PTPRN2: variants seen among roughly 807,000 people sequenced by gnomAD.
PTPRN2 encodes the protein protein tyrosine phosphatase receptor type N2.
A neutral mutation model predicts 118.8 loss-of-function variants in PTPRN2; 74 were observed. The ratio of observed to expected loss-of-function variants is 0.62; its 90% confidence interval spans 0.52 to 0.76. The LOEUF is 0.76. Ranked by LOEUF, PTPRN2 falls within the 30% of genes least tolerant of loss-of-function variation. PTPRN2 has a pLI of 0.00. For missense variants in PTPRN2, 1,481 were observed against 1,394.4 expected, an observed-to-expected ratio of 1.06 and a Z score of -0.99; for synonymous variants, 641 against 608.0, an observed-to-expected ratio of 1.05 and a Z score of -0.80.
At chr7:158,334,887 G>A (rs1236840544) in intron 2 of PTPRN2, among the ~76,000 whole-genome samples, 82 of 9,146 alleles carry the variant, frequency 9.0e-3, no homozygotes, top group African/African-American at 0.018. Flanking sequence ...AATAGCTGTC[G>A]TCCGGAGGCG....
intron 11 of PTPRN2, among the ~76,000 whole-genome samples, chr7:157,898,947 C>T (rs1033695429): frequency 4.6e-5 from 7 of 152,186 alleles, no homozygotes; most frequent in Non-Finnish European, 8.8e-5. Context: ...CTCGGGCCGG[C>T]ACAACTGTGC....
chr7:158,238,433 G>A (rs981718740), intron 3 of PTPRN2, among the ~76,000 whole-genome samples: 2 of 152,138 alleles, frequency 1.3e-5, no homozygotes, highest in African/African-American at 4.8e-5. Context: ...GCCACAGCAA[G>A]GCTTCTGGTC....
intron 3 of PTPRN2, among the ~76,000 whole-genome samples, chr7:158,273,481 G>GGGGGAGCCGCAGGCACAA (rs1798667720): frequency 1.4e-5 from 1 of 72,330 alleles, no homozygotes; most frequent in Non-Finnish European, 2.7e-5. Flanking sequence ...CGCAGGCACA[G>GGGGGAGCCGCAGGCACAA]GGGGAGCCGC....
intron 12 of PTPRN2, among the ~76,000 whole-genome samples, chr7:157,818,109 AGT>A (rs2151132768): frequency 6.8e-6 from 1 of 146,748 alleles, no homozygotes; most frequent in East Asian, 2.0e-4. Flanking sequence ...TTGTGTGTAC[AGT>A]GTGGGTGTGT....
At chr7:158,122,160 G>A (rs1817226843) in intron 9 of PTPRN2, among the ~76,000 whole-genome samples, 1 of 152,216 alleles carries the variant, frequency 6.6e-6, no homozygotes, top group Non-Finnish European at 1.5e-5. Context: ...TATGGGGTCA[G>A]GGTCAGAGCT....
At chr7:158,195,317 A>T (rs1172276554) in intron 4 of PTPRN2, among the ~76,000 whole-genome samples, 4 of 152,228 alleles carry the variant, frequency 2.6e-5, no homozygotes, top group Admixed American at 2.6e-4. Flanking sequence ...AGAAACCTGC[A>T]GTGGCCTTCA....
chr7:158,245,756 T>C (rs1193915720), intron 3 of PTPRN2, among the ~76,000 whole-genome samples: 7 of 151,842 alleles, frequency 4.6e-5, no homozygotes, highest in African/African-American at 1.7e-4. Flanking sequence ...TGTGAACAGG[T>C]GAGTGGGGAT....
intron 12 of PTPRN2, among the ~76,000 whole-genome samples, chr7:157,853,318 G>C (rs1185159797): frequency 6.6e-6 from 1 of 152,142 alleles, no homozygotes; most frequent in Non-Finnish European, 1.5e-5. Flanking sequence ...TAACTTCAGA[G>C]CCTTCTTCTC....
chr7:157,790,304 G>GGT lies in PTPRN2; in HGVS notation c.1789-107369_1789-107368dup, dbSNP rs374050000. Among the ~76,000 whole-genome samples the GGT allele has an allele frequency of 3.0e-3, 453 of 150,776 alleles. 5 individuals are homozygous for GGT. Among genetic ancestry groups the GGT allele is most frequent in the African/African-American group, 0.01 (427 of 41,018 alleles). ...TGAATGTGTGTGGTGTGTGTATGGT[G>GGT]GTGTGTGTGTGTGGTGCGGGGGTGG... On this transcript the variant is annotated intron_variant, in intron 12 of 22. Transcript: ENST00000389418.
intron 11 of PTPRN2, among the ~76,000 whole-genome samples, chr7:157,930,841 A>T (rs1799311408): frequency 1.3e-5 from 2 of 152,098 alleles, no homozygotes; most frequent in South Asian, 4.1e-4. Context: ...GTTAAAAATT[A>T]TTTTTGGCTG....
At chr7:158,245,147 A>G (rs979069528) in intron 3 of PTPRN2, among the ~76,000 whole-genome samples, 1 of 151,938 alleles carries the variant, frequency 6.6e-6, no homozygotes, top group Non-Finnish European at 1.5e-5. Flanking sequence ...TGGTCATGCC[A>G]GAATCCGTGG....
intron 12 of PTPRN2, among the ~76,000 whole-genome samples, chr7:157,744,903 C>G (rs998671235): frequency 6.6e-6 from 1 of 152,204 alleles, no homozygotes; most frequent in Non-Finnish European, 1.5e-5. Context: ...TTCAGCCGCA[C>G]CCCAGTCCCC....
intron 1 of PTPRN2, among the ~76,000 whole-genome samples, chr7:158,553,566 G>A (rs1003761103): frequency 6.6e-6 from 1 of 151,474 alleles, no homozygotes; most frequent in South Asian, 2.1e-4. Flanking sequence ...GCACAGGCTT[G>A]GGAATTTATA....
At chr7:157,705,818 A>G (rs553931965) in intron 12 of PTPRN2, among the ~76,000 whole-genome samples, 20 of 151,976 alleles carry the variant, frequency 1.3e-4, no homozygotes, top group African/African-American at 4.8e-4. Flanking sequence ...AATTGAATGA[A>G]TCTGACCCAG....
chr7:157,992,749 C>G lies in PTPRN2; in HGVS notation c.1723+88549G>C, dbSNP rs1804343037. 2.6e-5 allele frequency among the ~76,000 whole-genome samples: 4 copies of G among 152,234 alleles called. No individual in the cohort carries two copies. In the South Asian group the frequency reaches 8.3e-4, roughly 32 times the overall value. The stretch of plus-strand genomic sequence containing the variant: ...GCCCCCAGGCACCGTGGCCACAGGA[C>G]AGCCGAGCTTGTGGACTGTCCTCCA... On this transcript the variant is annotated intron_variant, in intron 11 of 22. Transcript: ENST00000389418.
At chr7:157,795,532 G>C (rs1344986180) in intron 12 of PTPRN2, among the ~76,000 whole-genome samples, 1 of 152,218 alleles carries the variant, frequency 6.6e-6, no homozygotes, top group Admixed American at 6.5e-5. Context: ...TTTACAAGTC[G>C]CATGAGAAAG....
rs996754750 is a variant in PTPRN2 at position 158,262,511 on chromosome 7, CACACATTCACACACTGCACACAT to C, written c.277+54285_277+54307del. ...CACACATACATGCACACACACTGCACACACATTCACACACTGCACACATACACACATTCACACACTGCACACAC... is the reference window on the plus strand; with the variant it reads ...CACACATACATGCACACACACTGCACACACACATTCACACACTGCACACAC... On this transcript the variant is annotated intron_variant, in intron 3 of 22. Coordinates refer to ENST00000389418, the MANE Select transcript of PTPRN2 (RefSeq NM_002847.5). Among the ~76,000 whole-genome samples, 1,301 of 149,292 alleles carry C rather than the reference CACACATTCACACACTGCACACAT, an allele frequency of 8.7e-3. 23 individuals are homozygous for C. Among genetic ancestry groups the C allele is most frequent in the African/African-American group, 0.03 (1,215 of 40,450 alleles).
chr7:157,609,368 A>T lies in PTPRN2; in HGVS notation c.2345-5293T>A, dbSNP rs1802193575. ...ATTGCACTCCAGCCTGGACAACAAG[A>T]GTGAAACTCTGTCTCAAAAAAATTT... On this transcript the variant is annotated intron_variant, in intron 15 of 22. Transcript: ENST00000389418. The surrounding 1 kb of genome is among the most constrained non-coding windows in gnomAD (Gnocchi z 4.9). 6.6e-6 allele frequency among the ~76,000 whole-genome samples: 1 copy of T among 152,190 alleles called. No individual in the cohort carries two copies. Among genetic ancestry groups the T allele is most frequent in the Admixed American group, 6.5e-5 (1 of 15,284 alleles).
chr7:157,826,281 C>G (rs1403974650), intron 12 of PTPRN2, among the ~76,000 whole-genome samples: 71 of 31,796 alleles, frequency 2.2e-3, no homozygotes, highest in South Asian at 0.011. Flanking sequence ...ACGATCGTCA[C>G]AATCGCGAGC....
Sources: gnomAD v4.1 joint callset for allele counts (sites outside exome capture counted in the v4.1 genomes callset) on GRCh38, gnomAD v4.1.1 for gene constraint, Gnocchi (gnomAD v3.1) non-coding constraint, MANE v1.5 for transcripts, NCBI Gene and HGNC (gene_info 2026-07-23, HGNC 2026-07-21) for gene names.